ADGRL3: variants seen among roughly 807,000 people sequenced by gnomAD.
ADGRL3 encodes the protein calcium-independent alpha-latrotoxin receptor 3.
In ADGRL3, 62 loss-of-function variants were observed where a neutral mutation model predicts 153.5. That is an observed-to-expected ratio of 0.40 (90% CI 0.33 to 0.50). The LOEUF is 0.50. Among genes scored for constraint, ADGRL3 ranks in the 20% least tolerant of loss-of-function variants. ADGRL3 has a pLI of 0.47. For missense variants in ADGRL3, 1,641 were observed against 1,859.4 expected (o/e 0.88, Z 2.16); for synonymous variants, 710 against 672.5 (o/e 1.06, Z -0.86).
intron 5 of ADGRL3, among the ~76,000 whole-genome samples, chr4:61,595,143 C>T (rs2098983844): frequency 6.6e-6 from 1 of 152,182 alleles, no homozygotes; most frequent in Admixed American, 6.5e-5. Context: ...CTCCAAGGGC[C>T]TGATTGCTAC....
chr4:61,534,846 G>C (rs553516394), intron 4 of ADGRL3, among the ~76,000 whole-genome samples: 3 of 152,138 alleles, frequency 2.0e-5, no homozygotes, highest in African/African-American at 7.2e-5. Context: ...TTTTGGAAGA[G>C]TCTTTAAGAT....
intron 1 of ADGRL3, among the ~76,000 whole-genome samples, chr4:61,354,786 T>G (rs1278748870): frequency 1.3e-5 from 2 of 152,152 alleles, no homozygotes; most frequent in African/African-American, 4.8e-5. Flanking sequence ...ACATTTCAAT[T>G]TATCAGCATG....
At chr4:61,556,013 G>A (rs2098764585) in intron 4 of ADGRL3, among the ~76,000 whole-genome samples, 1 of 152,064 alleles carries the variant, frequency 6.6e-6, no homozygotes, top group Admixed American at 6.6e-5. Flanking sequence ...ATCTCATCCT[G>A]TGACTTAGAA....
intron 1 of ADGRL3, among the ~76,000 whole-genome samples, chr4:61,313,712 T>C (rs2095099521): frequency 6.6e-6 from 1 of 152,236 alleles, no homozygotes; most frequent in South Asian, 2.1e-4. Context: ...CTTCTAATGT[T>C]AAACATTGAA....
chr4:61,501,767 TGCTCTAAATA>T (rs1246097606), intron 3 of ADGRL3, among the ~76,000 whole-genome samples: 1 of 152,210 alleles, frequency 6.6e-6, no homozygotes, highest in Non-Finnish European at 1.5e-5. Context: ...AATCCCCACT[TGCTCTAAATA>T]GTCTGGTCCA....
At chr4:61,846,729 C>T (rs1040482290) in intron 9 of ADGRL3, among the ~76,000 whole-genome samples, 3 of 151,784 alleles carry the variant, frequency 2.0e-5, no homozygotes, top group African/African-American at 7.3e-5. Context: ...AAACATGGTG[C>T]TGGCATCTGC....
chr4:62,076,870 ATCTT>A lies in ADGRL3; in HGVS notation c.*5966_*5969del, dbSNP rs1226554149. On this transcript the variant is annotated 3_prime_UTR_variant, in exon 27 of 27. Transcript: ENST00000683033. Reference sequence around the variant, plus strand: ...TGTACCTTTTAAAGCTCTATTATGAATCTTTCTAATACATATGAAATTAATATTA... The same window carrying A: ...TGTACCTTTTAAAGCTCTATTATGAATCTAATACATATGAAATTAATATTA... 41 of 151,738 alleles carry A rather than the reference ATCTT, an allele frequency of 2.7e-4. No individual in the cohort carries two copies. Among genetic ancestry groups the A allele is most frequent in the African/African-American group, 9.7e-4 (40 of 41,410 alleles). The allele number at this position is 151,738 out of a possible 1,614,324, so 9.4% of individuals were successfully genotyped here. A position where few individuals can be genotyped will look rare whatever the true frequency, so the allele number is the denominator to read the frequency against.
At chr4:61,873,469 T>C (rs1402642890) in intron 9 of ADGRL3, among the ~76,000 whole-genome samples, 1 of 152,144 alleles carries the variant, frequency 6.6e-6, no homozygotes, top group Non-Finnish European at 1.5e-5. Context: ...ATAAAACCAA[T>C]TTTTAAATAG....
At chr4:61,286,202 A>G (rs920198139) in intron 1 of ADGRL3, among the ~76,000 whole-genome samples, 6 of 151,468 alleles carry the variant, frequency 4.0e-5, no homozygotes, top group African/African-American at 1.4e-4. Flanking sequence ...TAATTATTTA[A>G]AACTTGATTT....
chr4:61,469,055 C>G (rs1560686798), intron 2 of ADGRL3, among the ~76,000 whole-genome samples: 2 of 152,028 alleles, frequency 1.3e-5, no homozygotes, highest in Non-Finnish European at 2.9e-5. Flanking sequence ...CTCCAGGAAC[C>G]ATTAGAATAT....
chr4:61,600,348 A>G (rs1046953178), intron 5 of ADGRL3, among the ~76,000 whole-genome samples: 1 of 150,594 alleles, frequency 6.6e-6, no homozygotes, highest in Non-Finnish European at 1.5e-5. Context: ...TGGAAATGAG[A>G]TATTCAACAA....
chr4:61,330,324 G>A (rs2095546766), intron 1 of ADGRL3, among the ~76,000 whole-genome samples: 2 of 152,142 alleles, frequency 1.3e-5, no homozygotes, highest in Non-Finnish European at 2.9e-5. Context: ...CCTCAGCAAT[G>A]TGGGTGAGCA....
At chr4:61,948,330 C>A (rs2098933781) in intron 17 of ADGRL3, 54 bp downstream of exon 17, 1 of 1,364,462 alleles carries the variant, frequency 7.3e-7, no homozygotes. Flanking sequence ...TGGTCACTAA[C>A]TGTAAATAGT....
At chr4:61,369,427 T>A (rs982779511) in intron 1 of ADGRL3, among the ~76,000 whole-genome samples, 2 of 151,948 alleles carry the variant, frequency 1.3e-5, no homozygotes, top group South Asian at 4.2e-4. Context: ...TTATTGAGAG[T>A]TTTTAGCATG....
At chr4:62,053,145 G>A (rs1735102923) in intron 25 of ADGRL3, among the ~76,000 whole-genome samples, 1 of 151,280 alleles carries the variant, frequency 6.6e-6, no homozygotes, top group African/African-American at 2.4e-5. Context: ...ATTTTTCTAA[G>A]AAATAGGCTG....
At chr4:61,375,295 T>C (rs1234607957) in intron 1 of ADGRL3, among the ~76,000 whole-genome samples, 1 of 152,188 alleles carries the variant, frequency 6.6e-6, no homozygotes, top group African/African-American at 2.4e-5. Flanking sequence ...GAAGAGAAAG[T>C]ACAGTTTTGT....
chr4:61,581,380 G>A (rs949404824), intron 4 of ADGRL3, among the ~76,000 whole-genome samples: 1 of 138,296 alleles, frequency 7.2e-6, no homozygotes, highest in African/African-American at 3.5e-5. Context: ...CCATCCAGGG[G>A]TGTGTTTTTC....
chr4:61,841,086 C>A (rs762938247), intron 9 of ADGRL3, among the ~76,000 whole-genome samples: 1 of 152,074 alleles, frequency 6.6e-6, no homozygotes, highest in Non-Finnish European at 1.5e-5. Context: ...CTCTAGATTC[C>A]CATAAAAGGC....
At chr4:61,822,546 T>C (rs1002321701) in intron 9 of ADGRL3, among the ~76,000 whole-genome samples, 5 of 152,232 alleles carry the variant, frequency 3.3e-5, no homozygotes, top group African/African-American at 4.8e-5. Context: ...GTATTTGTTA[T>C]TCAATATTGT....
Sources: allele counts gnomAD v4.1 joint callset (sites outside exome capture counted in the v4.1 genomes callset), GRCh38; gene constraint gnomAD v4.1.1; transcripts MANE v1.5; gene names NCBI Gene and HGNC (gene_info 2026-07-23, HGNC 2026-07-21).